The following CDH4 variants were observed in gnomAD, a reference collection of about 807,000 sequenced individuals.
CDH4 encodes the protein cadherin-4.
CDH4 carries 33 observed loss-of-function variants against 86.0 expected under a neutral mutation model. The ratio of observed to expected loss-of-function variants is 0.38; its 90% CI spans 0.29 to 0.51. The LOEUF (loss-of-function observed/expected upper bound fraction) is 0.51. CDH4 is among the 20% of genes least tolerant of loss of function. CDH4 has a pLI of 0.86. For missense variants in CDH4, 1,114 were observed against 1,307.4 expected (o/e 0.85, Z 2.28); for synonymous variants, 555 against 549.4 (o/e 1.01, Z -0.14).
At chr20:61,278,764 C>T (rs896976979) in intron 2 of CDH4, among the ~76,000 whole-genome samples, 4 of 152,246 alleles carry the variant, frequency 2.6e-5, no homozygotes, top group African/African-American at 7.2e-5. Flanking sequence ...TGCTGGCTCC[C>T]CCTCCCCAGT....
rs968838639 is a variant in CDH4, at chr20:61,510,214, A to C, written c.170-233349A>C. On this transcript the variant is annotated intron_variant, in intron 2 of 15. Coordinates refer to ENST00000614565, the MANE Select transcript of CDH4 (RefSeq NM_001794.5). This position sits in a 1 kb window ranked among gnomAD's most constrained non-coding sequence, Gnocchi z 4.2. ...ATATGCCAGCATCTATGCGCTCAGCACTCCCGCTCGTGGAGCTCAGGAAAG... is the reference window on the plus strand; with the variant it reads ...ATATGCCAGCATCTATGCGCTCAGCCCTCCCGCTCGTGGAGCTCAGGAAAG... Among the ~76,000 whole-genome samples the C allele has an allele frequency of 6.6e-6, 1 of 151,968 alleles. No individual in the cohort carries two copies. The highest frequency in any genetic ancestry group is 2.4e-5 in the African/African-American group (1 of 41,364).
At chr20:61,280,928 G>A (rs1259058494) in intron 2 of CDH4, among the ~76,000 whole-genome samples, 3 of 152,218 alleles carry the variant, frequency 2.0e-5, no homozygotes, top group Non-Finnish European at 4.4e-5. Flanking sequence ...TGCCTGCTGC[G>A]TTCCTCTTTA....
rs376192368 is a variant in CDH4 at position 61,642,258 on chromosome 20, C to A, written c.170-101305C>A. ...GTTCTAGAGGAAGGGGCCACCAAGG[C>A]AAAAGTGCCTGAGGCCCACGGAAGT... On this transcript the variant is annotated intron_variant, in intron 2 of 15. Coordinates refer to ENST00000614565, the MANE Select transcript of CDH4 (RefSeq NM_001794.5). Among the ~76,000 whole-genome samples the A allele has an allele frequency of 5.9e-4, 90 of 152,324 alleles. 3 individuals are homozygous for A. In the South Asian group the frequency reaches 0.018, roughly 31 times the overall value.
intron 2 of CDH4, among the ~76,000 whole-genome samples, chr20:61,636,820 A>T (rs919448165): frequency 2.6e-5 from 4 of 152,196 alleles, no homozygotes; most frequent in African/African-American, 9.6e-5. Context: ...CAGGGGCGGT[A>T]GAATGCCAGG....
rs2086816291 is a variant in CDH4 at position 61,624,931 on chromosome 20, C to T, written c.170-118632C>T. Among the ~76,000 whole-genome samples, 4 of 152,222 alleles carry T rather than the reference C, an allele frequency of 2.6e-5. No homozygotes were observed. In the South Asian group the frequency reaches 8.3e-4, roughly 32 times the overall value. ...ACCTGCAGCATAGGAGGCCAGGAAACAGATAGAGCAGTTGACTGGGGCCAC... is the reference window on the plus strand; with the variant it reads ...ACCTGCAGCATAGGAGGCCAGGAAATAGATAGAGCAGTTGACTGGGGCCAC... On this transcript the variant is annotated intron_variant, in intron 2 of 15. Coordinates refer to ENST00000614565, the MANE Select transcript of CDH4 (RefSeq NM_001794.5).
At chr20:61,824,586 T>C (rs531935782) in intron 4 of CDH4, among the ~76,000 whole-genome samples, 1 of 152,340 alleles carries the variant, frequency 6.6e-6, no homozygotes, top group South Asian at 2.1e-4. Flanking sequence ...ATTTCTAATA[T>C]TGACATCATT....
At chr20:61,498,349 G>A (rs1017291240) in intron 2 of CDH4, among the ~76,000 whole-genome samples, 1 of 152,174 alleles carries the variant, frequency 6.6e-6, no homozygotes, top group African/African-American at 2.4e-5. Context: ...TAGCTCAGAT[G>A]ACCACAGTGT....
rs538778226 is a variant in CDH4, at chr20:61,844,210, T to C, written c.577-458T>C. 7.9e-4 allele frequency among the ~76,000 whole-genome samples: 121 copies of C among 152,312 alleles called. 1 individual carries two copies. Among genetic ancestry groups the C allele is most frequent in the Non-Finnish European group, 1.2e-3 (82 of 68,022 alleles). Reference sequence around the variant, plus strand: ...AGCCTTTTCTAGCTTACTTTGGACTTGGGACCCGGATAACCATCATTCAAT... The same window carrying C: ...AGCCTTTTCTAGCTTACTTTGGACTCGGGACCCGGATAACCATCATTCAAT... On this transcript the variant is annotated intron_variant, in intron 4 of 15. Coordinates refer to ENST00000614565, the MANE Select transcript of CDH4 (RefSeq NM_001794.5).
In CDH4 at chr20:61,252,551, C is replaced by G. The variant is rs1444620355; in HGVS notation, c.38C>G (p.Ser13Trp). ...GCCGGCGTGCTCCTTCTGCTGCTCT[C>G]GCTCTCCGGCGCGCTCCGGGTAAGT... ...AGAGVLLLLL[S>W]LSGALRAHNE... Residue 13 changes from serine (S) to tryptophan (W), a missense_variant, in exon 1 of 16, where the codon TCG becomes TGG. This residue lies in a region of CDH4 where 221 missense variants were observed against 209.5 expected (regional missense o/e 1.05). Transcript: ENST00000614565. This position sits in a 1 kb window ranked among gnomAD's most constrained non-coding sequence, Gnocchi z 4.4. 2 of 1,203,992 alleles carry G rather than the reference C, an allele frequency of 1.7e-6. No homozygotes were observed. The allele number at this position is 1,203,992 out of a possible 1,614,324, so 74.6% of individuals were successfully genotyped here.
At chr20:61,732,975 T>A (rs1475863799) in intron 2 of CDH4, among the ~76,000 whole-genome samples, 1 of 152,178 alleles carries the variant, frequency 6.6e-6, no homozygotes, top group African/African-American at 2.4e-5. Context: ...AGTGACCAGC[T>A]GGGGGCCTAA....
chr20:61,868,836 G>A (rs372553095), intron 6 of CDH4, among the ~76,000 whole-genome samples: 6 of 152,336 alleles, frequency 3.9e-5, no homozygotes, highest in African/African-American at 9.6e-5. Context: ...GGCGGGAGAC[G>A]GGGAGCTCTG....
At chr20:61,353,054 C>T (rs1019666022) in intron 2 of CDH4, among the ~76,000 whole-genome samples, 2 of 152,158 alleles carry the variant, frequency 1.3e-5, no homozygotes, top group Non-Finnish European at 1.5e-5. Context: ...CTCTTAGCTC[C>T]GCAGGTTTCT....
chr20:61,739,950 C>T (rs1213135322), intron 2 of CDH4, among the ~76,000 whole-genome samples: 1 of 152,210 alleles, frequency 6.6e-6, no homozygotes, highest in Non-Finnish European at 1.5e-5. Flanking sequence ...TCAGGAGCGT[C>T]CTCTCTGTAC....
Position 61,564,985 on chromosome 20 carries a change from A to G in CDH4, c.170-178578A>G, listed in dbSNP as rs2086253277. On this transcript the variant is annotated intron_variant, in intron 2 of 15. Transcript: ENST00000614565. Reference sequence around the variant, plus strand: ...ATGAGGATTAAAAAATATCACAGGAAAGCAGCCACCTGGTAGACAGCGGGT... The same window carrying G: ...ATGAGGATTAAAAAATATCACAGGAGAGCAGCCACCTGGTAGACAGCGGGT... 3.4e-5 allele frequency among the ~76,000 whole-genome samples: 5 copies of G among 149,144 alleles called. No individual in the cohort carries two copies. The Admixed American group carries it at 3.4e-4, about 10-fold the overall frequency.
chr20:61,872,814 C>T (rs1983865044), intron 6 of CDH4, among the ~76,000 whole-genome samples: 1 of 152,220 alleles, frequency 6.6e-6, no homozygotes, highest in South Asian at 2.1e-4. Flanking sequence ...GCTCACAGAG[C>T]GGGGCCTCCA....
rs189999447 is a variant in CDH4, at chr20:61,635,980, G to A, written c.170-107583G>A. On this transcript the variant is annotated intron_variant, in intron 2 of 15. Transcript: ENST00000614565. ...AGCATTTTCCTGAGCCCCAGAAAGT[G>A]TGGCCGTGACAGCAGCAGGCCTGAG... 2.8e-3 allele frequency among the ~76,000 whole-genome samples: 425 copies of A among 152,340 alleles called. 3 individuals carry two copies. Among genetic ancestry groups the A allele is most frequent in the South Asian group, 0.014 (70 of 4,828 alleles).
At chr20:61,308,732 T>G (rs945933420) in intron 2 of CDH4, among the ~76,000 whole-genome samples, 28 of 152,214 alleles carry the variant, frequency 1.8e-4, no homozygotes, top group Admixed American at 1.5e-3. Flanking sequence ...AGGCCTTCTG[T>G]CAAAACTGAA....
intron 2 of CDH4, among the ~76,000 whole-genome samples, chr20:61,664,549 A>G (rs1282954792): frequency 1.3e-5 from 2 of 152,240 alleles, no homozygotes; most frequent in Non-Finnish European, 2.9e-5. Context: ...TTAAAGCAGC[A>G]TGCGGAAAGC....
At chr20:61,635,029 G>A (rs115209432) in intron 2 of CDH4, among the ~76,000 whole-genome samples, 7,140 of 152,218 alleles carry the variant, frequency 0.047, 219 homozygotes, top group Middle Eastern at 0.078. Context: ...CTTTGCTTTC[G>A]TGCCCGTCTG....
Sources: gnomAD v4.1 joint callset for allele counts (sites outside exome capture counted in the v4.1 genomes callset) on GRCh38, gnomAD v4.1.1 for gene constraint, gnomAD v4.1.1 regional missense constraint, Gnocchi (gnomAD v3.1) non-coding constraint, MANE v1.5 for transcripts, NCBI Gene and HGNC (gene_info 2026-07-23, HGNC 2026-07-21) for gene names.